Variants in AGBL1 observed in about 807,000 individuals in gnomAD.
The protein encoded by AGBL1 is cytosolic carboxypeptidase 4.
AGBL1 carries 130 observed loss-of-function variants against 118.9 expected under a neutral mutation model. The observed-to-expected ratio is 1.09, with a 90% confidence interval of 0.95 to 1.26. AGBL1 has a LOEUF of 1.26. Ranked by LOEUF, AGBL1 falls within the 50% of genes most tolerant of loss-of-function variation. AGBL1 has a pLI of 0.00. For missense variants in AGBL1, 1,584 were observed against 1,298.1 expected (o/e 1.22, Z -3.38); for synonymous variants, 555 against 478.9 (o/e 1.16, Z -2.08).
At chr15:86,785,223 G>C (rs2078390565) in intron 22 of AGBL1, among the ~76,000 whole-genome samples, 1 of 152,000 alleles carries the variant, frequency 6.6e-6, no homozygotes, top group Non-Finnish European at 1.5e-5. Context: ...TTAAGTGTCT[G>C]GGTAGGAGGT....
chr15:86,841,572 G>A (rs909407737), intron 22 of AGBL1, among the ~76,000 whole-genome samples: 5 of 152,112 alleles, frequency 3.3e-5, no homozygotes, highest in Admixed American at 1.3e-4. Flanking sequence ...TTGGCTGGGC[G>A]CAGTGGCTCG....
chr15:86,916,931 G>A (rs1296846400), downstream of AGBL1, among the ~76,000 whole-genome samples: 5 of 152,132 alleles, frequency 3.3e-5, no homozygotes, highest in Admixed American at 3.3e-4. Flanking sequence ...CCAATGCCCA[G>A]CAGAATAAAA....
At chr15:86,120,005 C>G (rs761807764) in intron 1 of AGBL1, among the ~76,000 whole-genome samples, 1 of 152,188 alleles carries the variant, frequency 6.6e-6, no homozygotes, top group African/African-American at 2.4e-5. Context: ...CATTCATTCT[C>G]GCACTCATTC....
At chr15:86,795,972 T>G (rs2078564872) in intron 22 of AGBL1, among the ~76,000 whole-genome samples, 1 of 151,926 alleles carries the variant, frequency 6.6e-6, no homozygotes, top group South Asian at 2.1e-4. Context: ...TCAGTTTCAC[T>G]GTGTTAGGAA....
chr15:86,438,415 C>A (rs762132631), intron 18 of AGBL1, among the ~76,000 whole-genome samples: 46 of 152,168 alleles, frequency 3.0e-4, no homozygotes, highest in Non-Finnish European at 5.3e-4. Flanking sequence ...ATCTCTCTCT[C>A]TACTCCTTAA....
chr15:86,283,188 A>G (rs1008448276), intron 16 of AGBL1, among the ~76,000 whole-genome samples: 7 of 152,184 alleles, frequency 4.6e-5, no homozygotes, highest in African/African-American at 1.7e-4. Context: ...GTTAGCAATA[A>G]TCGTTACAGT....
intron 18 of AGBL1, among the ~76,000 whole-genome samples, chr15:86,435,565 A>G (rs576032377): frequency 6.6e-6 from 1 of 152,352 alleles, no homozygotes; most frequent in East Asian, 1.9e-4. Flanking sequence ...TTAGAGATTT[A>G]AGGTTCTGTG....
chr15:86,482,936 C>A (rs527977818), intron 18 of AGBL1, among the ~76,000 whole-genome samples: 1 of 152,088 alleles, frequency 6.6e-6, no homozygotes, highest in East Asian at 1.9e-4. Flanking sequence ...TTACTGTCTG[C>A]AGGGGGGCCA....
chr15:86,197,451 G>C (rs2077832298), intron 5 of AGBL1, among the ~76,000 whole-genome samples: 1 of 152,232 alleles, frequency 6.6e-6, no homozygotes, highest in Non-Finnish European at 1.5e-5. Flanking sequence ...AGCCATCGTT[G>C]TTATGAAGTG....
At chr15:86,881,481 G>T (rs943189035) in intron 22 of AGBL1, among the ~76,000 whole-genome samples, 3 of 152,136 alleles carry the variant, frequency 2.0e-5, no homozygotes, top group Admixed American at 6.5e-5. Context: ...CCTTGCCTGT[G>T]TCACCACAAA....
At chr15:86,150,633 C>G (rs961949601) in intron 3 of AGBL1, among the ~76,000 whole-genome samples, 1 of 151,934 alleles carries the variant, frequency 6.6e-6, no homozygotes, top group African/African-American at 2.4e-5. Flanking sequence ...CAATAAATAG[C>G]CTACCACCAA....
chr15:86,835,332 G>A (rs904386139), intron 22 of AGBL1, among the ~76,000 whole-genome samples: 2 of 152,240 alleles, frequency 1.3e-5, no homozygotes, highest in East Asian at 1.9e-4. Flanking sequence ...AAACAGTTGG[G>A]ATGGTAAAAA....
intron 21 of AGBL1, among the ~76,000 whole-genome samples, chr15:86,597,202 A>G (rs2084424205): frequency 1.3e-5 from 2 of 152,164 alleles, no homozygotes; most frequent in Non-Finnish European, 2.9e-5. Flanking sequence ...CTAGCCAGCT[A>G]TCCATCTATT....
At position 86,410,807 on chromosome 15, in the gene AGBL1, G is replaced by GAGATAT. The variant is rs1187690696; in HGVS notation, c.2555+13262_2555+13263insGATATA. The stretch of plus-strand genomic sequence containing the variant: ...AGAGGAAGAGACAAGGTCAAATGTA[G>GAGATAT]ATATATATATATATATATATATATA... On this transcript the variant is annotated intron_variant, in intron 18 of 22. Coordinates refer to ENST00000614907, the MANE Select transcript of AGBL1 (RefSeq NM_001386094.1). Among the ~76,000 whole-genome samples, 5 of 40,360 alleles carry GAGATAT rather than the reference G, an allele frequency of 1.2e-4. 1 individual carries two copies. The highest frequency in any genetic ancestry group is 3.2e-3 in the East Asian group (2 of 616). The allele number at this position is 40,360 out of a possible 152,430, so 26.5% of individuals were successfully genotyped here. A position where few individuals can be genotyped will look rare whatever the true frequency, so the allele number is the denominator to read the frequency against.
intron 5 of AGBL1, among the ~76,000 whole-genome samples, chr15:86,167,319 C>A (rs180849359): frequency 2.2e-4 from 33 of 151,644 alleles, no homozygotes; most frequent in African/African-American, 7.7e-4. Flanking sequence ...GATCCTGGCT[C>A]GCTGCAACCT....
chr15:86,848,795 T>C (rs1471533542), intron 22 of AGBL1, among the ~76,000 whole-genome samples: 2 of 152,198 alleles, frequency 1.3e-5, no homozygotes, highest in African/African-American at 2.4e-5. Flanking sequence ...AATATATTTA[T>C]CTTTAAACTT....
At chr15:86,446,592 A>G (rs924664601) in intron 18 of AGBL1, among the ~76,000 whole-genome samples, 4 of 152,190 alleles carry the variant, frequency 2.6e-5, no homozygotes, top group Non-Finnish European at 5.9e-5. Flanking sequence ...TTCCATTTAT[A>G]TCGAATCTCT....
At chr15:86,929,635 C>A (rs2080582328) in intron 23 of AGBL1, among the ~76,000 whole-genome samples, 1 of 152,218 alleles carries the variant, frequency 6.6e-6, no homozygotes, top group African/African-American at 2.4e-5. Context: ...TTCAGATACA[C>A]AATTCAACAT....
Position 86,357,094 on chromosome 15 carries a change from G to A in AGBL1, c.2375-40272G>A, listed in dbSNP as rs557018443. Among the ~76,000 whole-genome samples the A allele has an allele frequency of 1.4e-3, 212 of 152,258 alleles. 2 individuals carry two copies. The highest frequency in any genetic ancestry group is 6.8e-3 in the Middle Eastern group (2 of 294). On this transcript the variant is annotated intron_variant, in intron 17 of 22. Coordinates refer to ENST00000614907, the MANE Select transcript of AGBL1 (RefSeq NM_001386094.1). ...TGAGGACTCAGAATATTTTAACGTG[G>A]ACTAAGTAACTCAGTTGGAACATGA...
Sources: allele counts gnomAD v4.1 joint callset (sites outside exome capture counted in the v4.1 genomes callset), GRCh38; gene constraint gnomAD v4.1.1; transcripts MANE v1.5; gene names NCBI Gene and HGNC (gene_info 2026-07-23, HGNC 2026-07-21).